The following DIP2C variants were observed in gnomAD, a reference collection of about 807,000 sequenced individuals.
The protein encoded by DIP2C is DIP2 acetate--CoA ligase C (putative), also known as disco-interacting protein 2 homolog C.
In DIP2C, 33 loss-of-function variants were observed where a neutral mutation model predicts 192.4. That is an observed-to-expected ratio of 0.17 (90% CI 0.13 to 0.23). The LOEUF (loss-of-function observed/expected upper bound fraction) is 0.23, where lower values mean the gene tolerates loss of function less well. Ranked by LOEUF, DIP2C falls within the 10% of genes least tolerant of loss-of-function variation. DIP2C has a pLI of 1.00. For synonymous variants in DIP2C, 979 were observed against 864.1 expected (o/e 1.13, Z -2.33); for missense variants, 1,537 against 2,110.1 (o/e 0.73, Z 5.32).
At chr10:484,170 C>T (rs1026031230) in intron 2 of DIP2C, among the ~76,000 whole-genome samples, 10 of 152,206 alleles carry the variant, frequency 6.6e-5, no homozygotes, top group Non-Finnish European at 1.3e-4. Flanking sequence ...AAAACTTCCA[C>T]CTGCATATGA....
chr10:483,257 C>G (rs531288360), intron 2 of DIP2C, among the ~76,000 whole-genome samples: 6 of 152,350 alleles, frequency 3.9e-5, no homozygotes, highest in African/African-American at 1.4e-4. Flanking sequence ...AGAACACAAA[C>G]CCCTTACAGG....
chr10:670,825 C>A (rs1010062666), intron 1 of DIP2C, among the ~76,000 whole-genome samples: 1 of 152,166 alleles, frequency 6.6e-6, no homozygotes, highest in Non-Finnish European at 1.5e-5. Context: ...CTCAAATATT[C>A]TTCATGGAAT....
intron 1 of DIP2C, among the ~76,000 whole-genome samples, chr10:576,136 C>T (rs1330488245): frequency 1.3e-5 from 2 of 152,216 alleles, no homozygotes; most frequent in African/African-American, 2.4e-5. Context: ...ACTACGCTGT[C>T]GGATTCCAGA....
chr10:321,293 T>G (rs1367386092), intron 31 of DIP2C, among the ~76,000 whole-genome samples: 1 of 152,212 alleles, frequency 6.6e-6, no homozygotes, highest in Non-Finnish European at 1.5e-5. Context: ...GGTGAGGCCT[T>G]GAAATCCTGC....
intron 3 of DIP2C, among the ~76,000 whole-genome samples, chr10:449,920 CAAAAA>C (rs59135780): frequency 8.8e-5 from 12 of 135,908 alleles, no homozygotes; most frequent in Non-Finnish European, 1.2e-4. Flanking sequence ...TCAACAACAA[CAAAAA>C]AAAAAAAAAA....
chr10:417,820 G>GCTT (rs1564685651), intron 6 of DIP2C, among the ~76,000 whole-genome samples: 10 of 91,870 alleles, frequency 1.1e-4, no homozygotes, highest in South Asian at 4.1e-4. Flanking sequence ...TCCTGTCAGG[G>GCTT]CGCGGACAGG....
chr10:514,103 G>A (rs987915690), intron 1 of DIP2C, among the ~76,000 whole-genome samples: 5 of 152,182 alleles, frequency 3.3e-5, no homozygotes, highest in Non-Finnish European at 7.4e-5. Context: ...TAACAGGAAT[G>A]CTGGCCACCT....
intron 1 of DIP2C, among the ~76,000 whole-genome samples, chr10:522,022 C>A (rs972011573): frequency 6.6e-6 from 1 of 152,062 alleles, no homozygotes; most frequent in African/African-American, 2.4e-5. Flanking sequence ...CAGCATGGAT[C>A]CCCCATGACA....
At chr10:501,899 C>A (rs919654579) in intron 1 of DIP2C, among the ~76,000 whole-genome samples, 1 of 152,158 alleles carries the variant, frequency 6.6e-6, no homozygotes, top group Non-Finnish European at 1.5e-5. Context: ...AATCCCAGTG[C>A]TTTGGGAGGC....
chr10:492,686 A>C (rs571361910), intron 1 of DIP2C, among the ~76,000 whole-genome samples: 3 of 152,218 alleles, frequency 2.0e-5, no homozygotes, highest in African/African-American at 7.2e-5. Flanking sequence ...TGTTGCAGTA[A>C]GATCTTACTC....
intron 3 of DIP2C, among the ~76,000 whole-genome samples, chr10:464,652 T>G (rs1207991430): frequency 6.6e-6 from 1 of 152,184 alleles, no homozygotes; most frequent in Non-Finnish European, 1.5e-5. Context: ...GGATTATAAA[T>G]CATGATACTA....
intron 1 of DIP2C, among the ~76,000 whole-genome samples, chr10:514,411 G>A (rs1253940394): frequency 1.3e-5 from 2 of 152,162 alleles, no homozygotes; most frequent in African/African-American, 4.8e-5. Context: ...TGCTGGCTTC[G>A]TGCCGGGAAC....
intron 10 of DIP2C, among the ~76,000 whole-genome samples, chr10:391,750 A>G (rs1188899230): frequency 1.3e-5 from 2 of 152,224 alleles, no homozygotes; most frequent in African/African-American, 4.8e-5. Context: ...GCTCAGCATG[A>G]ACCCCTCAAT....
At chr10:534,483 G>A (rs1249366834) in intron 1 of DIP2C, among the ~76,000 whole-genome samples, 1 of 152,016 alleles carries the variant, frequency 6.6e-6, no homozygotes, top group African/African-American at 2.4e-5. Flanking sequence ...AGAAGTTAGC[G>A]CACATTCCTT....
intron 32 of DIP2C, among the ~76,000 whole-genome samples, chr10:304,301 G>A (rs1389100166): frequency 6.6e-6 from 1 of 152,114 alleles, no homozygotes; most frequent in Non-Finnish European, 1.5e-5. Flanking sequence ...GAATTTTTCA[G>A]CTTCATTACA....
chr10:662,707 T>C, intron 1 of DIP2C: 1 of 574,524 alleles, frequency 1.7e-6, no homozygotes, highest in East Asian at 2.9e-5. Flanking sequence ...GGGCAGAAAA[T>C]ATATACAATG....
chr10:659,401 C>T (rs916876366), intron 1 of DIP2C, among the ~76,000 whole-genome samples: 1 of 152,220 alleles, frequency 6.6e-6, no homozygotes, highest in Non-Finnish European at 1.5e-5. Flanking sequence ...TACATATATA[C>T]ACCCCTCAAA....
chr10:581,174 C>G (rs1487370479), intron 1 of DIP2C, among the ~76,000 whole-genome samples: 1 of 151,792 alleles, frequency 6.6e-6, no homozygotes, highest in Non-Finnish European at 1.5e-5. Context: ...CACCTGGCCA[C>G]TTAGACGCTT....
intron 1 of DIP2C, among the ~76,000 whole-genome samples, chr10:601,381 G>A (rs1363209477): frequency 1.3e-5 from 2 of 152,108 alleles, no homozygotes; most frequent in African/African-American, 4.8e-5. Flanking sequence ...ATATGTCAAA[G>A]TAAGAAACGT....
Sources: allele counts gnomAD v4.1 joint callset (sites outside exome capture counted in the v4.1 genomes callset), GRCh38; gene constraint gnomAD v4.1.1; transcripts MANE v1.5; gene names NCBI Gene and HGNC (gene_info 2026-07-23, HGNC 2026-07-21).